SHISA9: variants seen among roughly 807,000 people sequenced by gnomAD.
The protein encoded by SHISA9 is shisa family member 9, also known as protein shisa-9.
Under a neutral mutation model 38.0 loss-of-function variants are expected in SHISA9, and 13 were observed. The observed-to-expected ratio is 0.34, with a 90% CI of 0.22 to 0.54. The LOEUF (loss-of-function observed/expected upper bound fraction) is 0.54. Among genes scored for constraint, SHISA9 ranks in the 20% least tolerant of loss-of-function variants. The pLI is 0.91. For missense variants in SHISA9, 538 were observed against 575.8 expected (o/e 0.93, Z 0.67); for synonymous variants, 275 against 242.0 (o/e 1.14, Z -1.27).
intron 2 of SHISA9, among the ~76,000 whole-genome samples, chr16:13,114,116 C>T (rs1307295562): frequency 2.6e-5 from 4 of 152,074 alleles, no homozygotes; most frequent in Non-Finnish European, 4.4e-5. Context: ...TGAAGGCTCC[C>T]CCACTGCCAG....
the SHISA9 span, among the ~76,000 whole-genome samples, chr16:13,278,001 A>G: frequency 6.6e-6 from 1 of 152,038 alleles, no homozygotes; most frequent in East Asian, 1.9e-4. Flanking sequence ...TCCCATTCTC[A>G]GAGGGAATGC....
chr16:12,967,265 T>C (rs2071992459), intron 2 of SHISA9, among the ~76,000 whole-genome samples: 1 of 152,106 alleles, frequency 6.6e-6, no homozygotes, highest in Admixed American at 6.5e-5. Context: ...TGTAGGGACA[T>C]AGATGAAGCT....
chr16:12,993,110 G>A (rs562361805), intron 2 of SHISA9, among the ~76,000 whole-genome samples: 249 of 152,328 alleles, frequency 1.6e-3, no homozygotes, highest in South Asian at 4.1e-3. Flanking sequence ...GAGATGACAA[G>A]TTTCATGGTA....
rs80310266 is a variant in SHISA9 at position 13,093,472 on chromosome 16, A to G, written c.692-109922A>G. ...CCATACAAGAGGAGTTTTCATGAAC[A>G]CTGGCTGTCATGGATTTCCAGATAA... On this transcript the variant is annotated intron_variant, in intron 2 of 4. Coordinates refer to ENST00000558583, the MANE Select transcript of SHISA9 (RefSeq NM_001145204.3). Among the ~76,000 whole-genome samples, 230 of 152,320 alleles carry G rather than the reference A, an allele frequency of 1.5e-3. 2 individuals are homozygous for G. Among genetic ancestry groups the G allele is most frequent in the African/African-American group, 5.2e-3 (218 of 41,570 alleles).
chr16:13,141,028 T>C (rs988711113), intron 2 of SHISA9, among the ~76,000 whole-genome samples: 2 of 152,168 alleles, frequency 1.3e-5, no homozygotes, highest in African/African-American at 4.8e-5. Flanking sequence ...ATTCATCTTG[T>C]AGATGGTAGA....
downstream of SHISA9, among the ~76,000 whole-genome samples, chr16:13,243,454 C>T (rs1358922582): frequency 2.6e-5 from 4 of 151,932 alleles, no homozygotes; most frequent in African/African-American, 7.3e-5. Flanking sequence ...GGGGGGGCTT[C>T]CAGGCTATAG....
chr16:13,299,221 C>T, the SHISA9 span, among the ~76,000 whole-genome samples: 1 of 152,168 alleles, frequency 6.6e-6, no homozygotes, highest in East Asian at 1.9e-4. Flanking sequence ...ACTTCCTTTG[C>T]CAAACACTCA....
chr16:13,187,373 C>T (rs1451907092), intron 2 of SHISA9, among the ~76,000 whole-genome samples: 1 of 126,200 alleles, frequency 7.9e-6, no homozygotes, highest in Middle Eastern at 5.4e-3. Context: ...CTTGCTCTAT[C>T]ACCCAGGCTG....
intron 2 of SHISA9, among the ~76,000 whole-genome samples, chr16:13,180,854 G>C (rs2050771095): frequency 1.3e-5 from 2 of 152,196 alleles, no homozygotes; most frequent in Non-Finnish European, 2.9e-5. Context: ...GTGGGGGACA[G>C]TCTCCTTTCC....
At chr16:13,406,037 T>C in the SHISA9 span, among the ~76,000 whole-genome samples, 1 of 150,998 alleles carries the variant, frequency 6.6e-6, no homozygotes. Flanking sequence ...GCAGAAGGAA[T>C]AATCAACAGA....
chr16:13,353,545 G>C, the SHISA9 span, among the ~76,000 whole-genome samples: 1 of 151,664 alleles, frequency 6.6e-6, no homozygotes, highest in Non-Finnish European at 1.5e-5. Flanking sequence ...TCGGTAAATA[G>C]GAGTATGATT....
intron 2 of SHISA9, among the ~76,000 whole-genome samples, chr16:13,077,954 C>G (rs1045131847): frequency 6.6e-6 from 1 of 152,030 alleles, no homozygotes; most frequent in East Asian, 1.9e-4. Context: ...ATATGGCAAA[C>G]AAGTAAAAAG....
intron 2 of SHISA9, among the ~76,000 whole-genome samples, chr16:13,159,058 CAAA>C (rs10711130): frequency 3.2e-5 from 4 of 123,580 alleles, no homozygotes; most frequent in African/African-American, 3.0e-5. Flanking sequence ...GACTCTGTCT[CAAA>C]AAAAAAAAAA....
the SHISA9 span, among the ~76,000 whole-genome samples, chr16:13,293,593 C>A: frequency 2.0e-5 from 3 of 152,216 alleles, no homozygotes; most frequent in South Asian, 2.1e-4. Context: ...GTTCCTGACA[C>A]AAAACAAGCA....
intron 2 of SHISA9, among the ~76,000 whole-genome samples, chr16:13,142,316 G>T (rs2050408817): frequency 6.6e-6 from 1 of 152,194 alleles, no homozygotes; most frequent in African/African-American, 2.4e-5. Context: ...TAGCCCACGT[G>T]TTCCCTTCTG....
chr16:12,928,320 G>GTGTGTGTA (rs1263318793), intron 2 of SHISA9, among the ~76,000 whole-genome samples: 1 of 139,984 alleles, frequency 7.1e-6, no homozygotes, highest in African/African-American at 2.5e-5. Flanking sequence ...TTGGTTGTGT[G>GTGTGTGTA]TGTGTGTGTG....
intron 2 of SHISA9, among the ~76,000 whole-genome samples, chr16:12,946,938 C>T (rs187426661): frequency 1.1e-3 from 164 of 152,364 alleles, no homozygotes; most frequent in African/African-American, 3.8e-3. Flanking sequence ...ACGTATTGTC[C>T]ATGGCTTTTT....
intron 2 of SHISA9, among the ~76,000 whole-genome samples, chr16:13,137,188 G>A (rs1285053393): frequency 6.6e-6 from 1 of 152,162 alleles, no homozygotes; most frequent in East Asian, 1.9e-4. Context: ...GATGGAGTTG[G>A]ATGAAATATA....
chr16:13,339,143 G>A, the SHISA9 span, among the ~76,000 whole-genome samples: 13 of 150,202 alleles, frequency 8.7e-5, no homozygotes, highest in South Asian at 6.4e-4. Context: ...AGAAAATACC[G>A]GAGCTCAATC....
Sources: gnomAD v4.1 joint callset for allele counts (sites outside exome capture counted in the v4.1 genomes callset) on GRCh38, gnomAD v4.1.1 for gene constraint, MANE v1.5 for transcripts, NCBI Gene and HGNC (gene_info 2026-07-23, HGNC 2026-07-21) for gene names.